The following MBNL2 variants were observed in gnomAD, a reference collection of about 807,000 sequenced individuals.
MBNL2 encodes muscleblind like splicing regulator 2.
A neutral mutation model predicts 41.9 loss-of-function variants in MBNL2; 17 were observed. That is an observed-to-expected ratio of 0.41 (90% CI 0.28 to 0.61). MBNL2 has a LOEUF of 0.61. Ranked by LOEUF, MBNL2 falls within the 20% of genes least tolerant of loss-of-function variation. The probability of loss-of-function intolerance (pLI) is 0.35; values close to 1 mark genes in which losing one functional copy is unlikely to be tolerated. For synonymous variants in MBNL2, 195 were observed against 182.9 expected (o/e 1.07, Z -0.53); for missense variants, 336 against 505.6 (o/e 0.66, Z 3.22).
At chr13:97,242,455 C>A (rs1375252379) in intron 1 of MBNL2, among the ~76,000 whole-genome samples, 1 of 152,102 alleles carries the variant, frequency 6.6e-6, no homozygotes, top group Non-Finnish European at 1.5e-5. Flanking sequence ...GTTTTACATT[C>A]AGTCCCCTCA....
Position 97,334,668 on chromosome 13 carries a change from T to C in MBNL2, c.339+228T>C, listed in dbSNP as rs2060727392. The stretch of plus-strand genomic sequence containing the variant: ...ATTTCTAATCAATATCTGGGAAATC[T>C]GTATCACTCCAACTCTTTTCACCAG... On this transcript the variant is annotated intron_variant, in intron 3 of 8. Transcript: ENST00000679496. The surrounding 1 kb of genome is among the most constrained non-coding windows in gnomAD (Gnocchi z 5.3). Among the ~76,000 whole-genome samples, 1 of 152,226 alleles carries C rather than the reference T, an allele frequency of 6.6e-6. No individual in the cohort carries two copies. The highest frequency in any genetic ancestry group is 1.5e-5 in the Non-Finnish European group (1 of 68,036).
chr13:97,155,116 T>G, the MBNL2 span, among the ~76,000 whole-genome samples: 6 of 152,290 alleles, frequency 3.9e-5, 1 homozygote, highest in African/African-American at 1.4e-4. Flanking sequence ...TAGAGCTTTT[T>G]GTTTCCTTAG....
chr13:97,169,998 C>T, the MBNL2 span, among the ~76,000 whole-genome samples: 3 of 152,202 alleles, frequency 2.0e-5, no homozygotes, highest in Non-Finnish European at 4.4e-5. Flanking sequence ...CCTTTACTTA[C>T]ATTGTGACTT....
At chr13:97,344,506 A>G (rs1371517182) in intron 4 of MBNL2, among the ~76,000 whole-genome samples, 1 of 152,242 alleles carries the variant, frequency 6.6e-6, no homozygotes. Context: ...CTTGAAGGCA[A>G]TAAAATGTGG....
At chr13:97,306,616 G>A (rs904215272) in intron 2 of MBNL2, among the ~76,000 whole-genome samples, 1 of 152,202 alleles carries the variant, frequency 6.6e-6, no homozygotes, top group African/African-American at 2.4e-5. Flanking sequence ...GGACATAAAT[G>A]GGAAACTTAC....
rs938535116 is a variant in MBNL2, at chr13:97,268,419, C to G, written c.-604-7213C>G. Among the ~76,000 whole-genome samples the G allele has an allele frequency of 6.6e-6, 1 of 152,218 alleles. No individual in the cohort carries two copies. Among genetic ancestry groups the G allele is most frequent in the South Asian group, 2.1e-4 (1 of 4,826 alleles). ...CCGGGCCGAGAGTGTGCATTCCTAA[C>G]AAGATCCCAGCGGATGCTGCTGCTG... On this transcript the variant is annotated intron_variant, in intron 1 of 8. Transcript: ENST00000679496. The surrounding 1 kb of genome is among the most constrained non-coding windows in gnomAD (Gnocchi z 4.6).
chr13:97,272,946 A>G (rs984683298), intron 1 of MBNL2, among the ~76,000 whole-genome samples: 1 of 152,178 alleles, frequency 6.6e-6, no homozygotes, highest in Non-Finnish European at 1.5e-5. Context: ...AAAAATATAT[A>G]TTTCTTCCAG....
At chr13:97,374,304 C>T (rs1254974273) in intron 8 of MBNL2, among the ~76,000 whole-genome samples, 9 of 151,556 alleles carry the variant, frequency 5.9e-5, no homozygotes, top group African/African-American at 1.2e-4. Context: ...CCCGCCACTA[C>T]GCCCAGCTAA....
chr13:97,159,154 C>T, the MBNL2 span, among the ~76,000 whole-genome samples: 1 of 152,046 alleles, frequency 6.6e-6, no homozygotes, highest in Non-Finnish European at 1.5e-5. Flanking sequence ...TATGTAATGG[C>T]CTTCTTTGTC....
chr13:97,303,637 C>G (rs549086190), intron 2 of MBNL2, among the ~76,000 whole-genome samples: 1 of 152,352 alleles, frequency 6.6e-6, no homozygotes, highest in East Asian at 1.9e-4. Flanking sequence ...TGAAGTGTTT[C>G]CTCTCTCAGG....
chr13:97,389,981 G>A (rs911392007), intron 8 of MBNL2, among the ~76,000 whole-genome samples: 20 of 151,990 alleles, frequency 1.3e-4, no homozygotes, highest in African/African-American at 4.1e-4. Flanking sequence ...TAGATGCTGT[G>A]TTTACATATA....
upstream of MBNL2, among the ~76,000 whole-genome samples, chr13:97,218,152 T>G (rs2040528571): frequency 6.6e-6 from 1 of 152,160 alleles, no homozygotes; most frequent in African/African-American, 2.4e-5. Flanking sequence ...GGCTCACGCC[T>G]GTAATCCCAG....
In MBNL2 at chr13:97,318,371, C is replaced by A. The variant is rs550244174; in HGVS notation, c.175-15905C>A. Among the ~76,000 whole-genome samples, 3 of 152,290 alleles carry A rather than the reference C, an allele frequency of 2.0e-5. No homozygotes were observed. The East Asian group carries it at 5.8e-4, about 29-fold the overall frequency. ...GGTTCTGTATCTTGCTACTTGCACA[C>A]CCTAGGACAAGATCATTCATCTCCT... On this transcript the variant is annotated intron_variant, in intron 2 of 8. Coordinates refer to ENST00000679496, the MANE Select transcript of MBNL2 (RefSeq NM_001382683.1).
the MBNL2 span, among the ~76,000 whole-genome samples, chr13:97,196,922 T>C: frequency 6.6e-6 from 1 of 152,324 alleles, no homozygotes; most frequent in East Asian, 1.9e-4. Flanking sequence ...CCCTTTAATG[T>C]CCCTTTTGTG....
chr13:97,203,243 A>G, the MBNL2 span, among the ~76,000 whole-genome samples: 44 of 152,342 alleles, frequency 2.9e-4, no homozygotes, highest in Middle Eastern at 0.017. Context: ...TCAGAAATTT[A>G]CCAGTGCCCA....
At chr13:97,280,293 T>C (rs956545687) in intron 2 of MBNL2, among the ~76,000 whole-genome samples, 2 of 152,182 alleles carry the variant, frequency 1.3e-5, no homozygotes, top group Non-Finnish European at 2.9e-5. Context: ...AGGGGGTGCA[T>C]AAATTAACTT....
chr13:97,347,055 G>C lies in MBNL2; in HGVS notation c.792G>C (p.Ala264=), dbSNP rs773471949. ...AAVAAQAAAA[A]ATVMTQSTAK... is the part of the protein sequence containing the mutation. ...TGGCCGCCCAGGCAGCCGCGGCCGC[G>C]GCCACAGTCATGGTAAGTGCGGCCG... The change falls in exon 5 of 9, where the codon GCG becomes GCC. Residue 264 remains alanine, a synonymous_variant. Transcript: ENST00000679496. 6.2e-7 allele frequency: 1 copy of C among 1,601,622 alleles called. No homozygotes were observed. The highest frequency in any genetic ancestry group is 8.5e-7 in the Non-Finnish European group (1 of 1,174,954).
At chr13:97,204,070 C>T in the MBNL2 span, among the ~76,000 whole-genome samples, 1 of 152,210 alleles carries the variant, frequency 6.6e-6, no homozygotes, top group African/African-American at 2.4e-5. Context: ...AAGGCCAGTT[C>T]CCTCTCCTGA....
chr13:97,272,254 C>A (rs1427719859), intron 1 of MBNL2, among the ~76,000 whole-genome samples: 4 of 152,026 alleles, frequency 2.6e-5, no homozygotes, highest in Non-Finnish European at 5.9e-5. Context: ...ATCCATTGCC[C>A]TTTTCATATC....
Sources: allele counts gnomAD v4.1 joint callset (sites outside exome capture counted in the v4.1 genomes callset), GRCh38; gene constraint gnomAD v4.1.1; non-coding constraint Gnocchi (gnomAD v3.1); transcripts MANE v1.5; gene names NCBI Gene and HGNC (gene_info 2026-07-23, HGNC 2026-07-21).